PHLPP1: variants seen among roughly 807,000 people sequenced by gnomAD.
PHLPP1 encodes PH domain and leucine rich repeat protein phosphatase 1.
A neutral mutation model predicts 117.2 loss-of-function variants in PHLPP1; 42 were observed. The observed-to-expected ratio is 0.36, with a 90% CI of 0.28 to 0.46. The LOEUF (loss-of-function observed/expected upper bound fraction) is 0.46. PHLPP1 is among the 20% of genes least tolerant of loss of function. The pLI is 1.00. For missense variants in PHLPP1, 2,084 were observed against 2,241.9 expected (o/e 0.93, Z 1.42); for synonymous variants, 1,042 against 970.7 (o/e 1.07, Z -1.37).
At position 62,978,998 on chromosome 18, in the gene PHLPP1, C is replaced by T; in HGVS notation, c.4721C>T (p.Ala1574Val). ...EVEVDIHCSRAKEKEKQQHLL... is the reference protein window; with the variant it reads ...EVEVDIHCSRVKEKEKQQHLL... ...GAGGTGGACATCCACTGCAGCCGGGCCAAGGAGAAGGAGAAACAGCAGCAC... is the reference window on the plus strand; with the variant it reads ...GAGGTGGACATCCACTGCAGCCGGGTCAAGGAGAAGGAGAAACAGCAGCAC... Residue 1574 changes from alanine (A) to valine (V), a missense_variant, in exon 17 of 17, where the codon GCC (alanine) becomes GTC (valine). Physicochemically the swap from Ala to Val is moderately conservative, Grantham distance 64. This residue lies in a region of PHLPP1 where 1,365 missense variants were observed against 1,605.9 expected (regional missense o/e 0.85). Transcript: ENST00000262719. This position sits in a 1 kb window ranked among gnomAD's most constrained non-coding sequence, Gnocchi z 7.0. 1 of 1,612,934 alleles carries T rather than the reference C, an allele frequency of 6.2e-7. No individual in the cohort carries two copies. Among genetic ancestry groups the T allele is most frequent in the Admixed American group, 1.7e-5 (1 of 59,904 alleles).
chr18:62,737,530 T>G (rs2122068365), intron 1 of PHLPP1, among the ~76,000 whole-genome samples: 1 of 152,328 alleles, frequency 6.6e-6, no homozygotes, highest in African/African-American at 2.4e-5. Flanking sequence ...TGACTTTGTG[T>G]GTTAAAACAG....
chr18:62,855,673 C>G (rs1915477276), intron 3 of PHLPP1, among the ~76,000 whole-genome samples: 1 of 152,162 alleles, frequency 6.6e-6, no homozygotes, highest in African/African-American at 2.4e-5. Flanking sequence ...GTGGTTTCCT[C>G]CTCCTTGTTT....
intron 4 of PHLPP1, among the ~76,000 whole-genome samples, chr18:62,869,941 G>A (rs1006723793): frequency 2.0e-5 from 3 of 152,202 alleles, no homozygotes; most frequent in African/African-American, 4.8e-5. Context: ...AGGCTGGAGT[G>A]CAGTGGCACG....
At position 62,863,163 on chromosome 18, in the gene PHLPP1, T is replaced by TTC. The variant is rs370493143; in HGVS notation, c.2066+2580_2066+2581dup. Among the ~76,000 whole-genome samples the TTC allele has an allele frequency of 3.2e-3, 476 of 149,942 alleles. 2 individuals carry two copies. Among genetic ancestry groups the TTC allele is most frequent in the African/African-American group, 9.9e-3 (405 of 41,012 alleles). On this transcript the variant is annotated intron_variant, in intron 4 of 16. Coordinates refer to ENST00000262719, the MANE Select transcript of PHLPP1 (RefSeq NM_194449.4). ...GGCTGCTGGTTGGCTACTTTTATGG[T>TTC]TCTCTCTCTCTCTCTCTCTTTTCTC...
At chr18:62,896,542 G>A (rs1459209049) in intron 6 of PHLPP1, among the ~76,000 whole-genome samples, 2 of 152,006 alleles carry the variant, frequency 1.3e-5, no homozygotes, top group Admixed American at 6.6e-5. Flanking sequence ...TGATCCACCC[G>A]CCTCGGCCTC....
intron 1 of PHLPP1, among the ~76,000 whole-genome samples, chr18:62,819,482 A>T (rs766403501): frequency 1.1e-4 from 16 of 152,220 alleles, no homozygotes; most frequent in Non-Finnish European, 1.9e-4. Flanking sequence ...CAGATGGGAT[A>T]AGTAGGAAAC....
At chr18:62,783,271 A>C (rs1913175963) in intron 1 of PHLPP1, among the ~76,000 whole-genome samples, 2 of 125,288 alleles carry the variant, frequency 1.6e-5, no homozygotes, top group Admixed American at 2.0e-4. Context: ...TCTGTTGCCC[A>C]GGCTGGAGCA....
chr18:62,836,809 C>T (rs1206004792), intron 2 of PHLPP1, among the ~76,000 whole-genome samples: 1 of 151,308 alleles, frequency 6.6e-6, no homozygotes, highest in Non-Finnish European at 1.5e-5. Context: ...TGCCTATAAT[C>T]CCAGCACTTT....
chr18:62,816,224 C>A (rs1568126147), intron 1 of PHLPP1, among the ~76,000 whole-genome samples: 1 of 152,026 alleles, frequency 6.6e-6, no homozygotes, highest in Non-Finnish European at 1.5e-5. Flanking sequence ...TTCAAATTGC[C>A]CCTCAGAAAG....
intron 1 of PHLPP1, 71 bp from the exon 2 acceptor site, chr18:62,829,964 A>G (rs890848234): frequency 1.5e-5 from 16 of 1,042,170 alleles, no homozygotes; most frequent in Admixed American, 2.7e-5. Context: ...CAATTCATAT[A>G]TCTGCTATGT....
At chr18:62,856,340 TA>T (rs1915497906) in intron 3 of PHLPP1, among the ~76,000 whole-genome samples, 1 of 152,148 alleles carries the variant, frequency 6.6e-6, no homozygotes. Context: ...GCTTACCCCA[TA>T]TCCCCTGCCC....
At chr18:62,783,223 TTTTTTC>T (rs1177855978) in intron 1 of PHLPP1, among the ~76,000 whole-genome samples, 55 of 148,348 alleles carry the variant, frequency 3.7e-4, no homozygotes, top group African/African-American at 1.3e-3. Context: ...CCTTTCTTTT[TTTTTTC>T]TTTTTTTTTT....
chr18:62,978,811 A>C lies in PHLPP1; in HGVS notation c.4534A>C (p.Ser1512Arg), dbSNP rs749055614. The C allele has an allele frequency of 6.2e-7, 1 of 1,611,270 alleles. No individual in the cohort carries two copies. Among genetic ancestry groups the C allele is most frequent in the Non-Finnish European group, 8.5e-7 (1 of 1,178,820 alleles). The change falls in exon 17 of 17, where the codon AGT (serine) becomes CGT (arginine). Residue 1512 changes from serine to arginine, a missense_variant. Transcript: ENST00000262719. The surrounding 1 kb of genome is among the most constrained non-coding windows in gnomAD (Gnocchi z 7.0). ...AAGCGAGAACAGCCCTGCCTACCCC[A>C]GTGAGCAGCGCTGCATGCTCCACCC... ...ALSENSPAYPSEQRCMLHPIC... is the reference protein window; with the variant it reads ...ALSENSPAYPREQRCMLHPIC...
At chr18:62,960,576 C>A (rs969744805) in intron 13 of PHLPP1, among the ~76,000 whole-genome samples, 1 of 151,946 alleles carries the variant, frequency 6.6e-6, no homozygotes, top group Non-Finnish European at 1.5e-5. Context: ...TCAAAATAAA[C>A]CAAGGACATT....
intron 6 of PHLPP1, 85 bp from the exon 7 acceptor site, chr18:62,902,879 T>G: frequency 2.5e-6 from 2 of 803,438 alleles, no homozygotes; most frequent in Non-Finnish European, 2.0e-6. Flanking sequence ...AACTGAGTTC[T>G]TTCTCGCTAT....
At chr18:62,796,179 A>C (rs942939091) in intron 1 of PHLPP1, among the ~76,000 whole-genome samples, 1 of 152,256 alleles carries the variant, frequency 6.6e-6, no homozygotes, top group Non-Finnish European at 1.5e-5. Context: ...TGTTAAAAGT[A>C]AATTCCAAGT....
At position 62,808,028 on chromosome 18, in the gene PHLPP1, ATG is replaced by A. The variant is rs1465926259; in HGVS notation, c.1577-21998_1577-21997del. ...TATAATCTTACGGGACCATCATCCT[ATG>A]TGTGTGTGGTCTGTCTTGACCAAAA... On this transcript the variant is annotated intron_variant, in intron 1 of 16. Coordinates refer to ENST00000262719, the MANE Select transcript of PHLPP1 (RefSeq NM_194449.4). Among the ~76,000 whole-genome samples the A allele has an allele frequency of 3.3e-5, 5 of 152,222 alleles. No homozygotes were observed. The South Asian group carries it at 8.3e-4, about 25-fold the overall frequency.
In PHLPP1 at chr18:62,895,998, C is replaced by A. The variant is rs761178683; in HGVS notation, c.2431C>A (p.His811Asn). 1 of 1,603,768 alleles carries A rather than the reference C, an allele frequency of 6.2e-7. No individual in the cohort carries two copies. The highest frequency in any genetic ancestry group is 8.5e-7 in the Non-Finnish European group (1 of 1,170,842). Residue 811 changes from histidine to asparagine, a missense_variant, in exon 6 of 17, where the codon CAT becomes AAT. Transcript: ENST00000262719. ...QALRKMPHIKHVDLRLNVIRK... is the reference protein window; with the variant it reads ...QALRKMPHIKNVDLRLNVIRK... ...TTTAAGAAAAATGCCTCACATTAAA[C>A]ATGTGGATCTAAGGTAACCATTTTT...
intron 1 of PHLPP1, among the ~76,000 whole-genome samples, chr18:62,720,544 T>C (rs1488853126): frequency 1.3e-5 from 2 of 152,156 alleles, no homozygotes; most frequent in Non-Finnish European, 1.5e-5. Context: ...TGTGGTTTCC[T>C]ACATGCAAAC....
Sources: allele counts gnomAD v4.1 joint callset (sites outside exome capture counted in the v4.1 genomes callset), GRCh38; gene constraint gnomAD v4.1.1; regional missense constraint gnomAD v4.1.1; non-coding constraint Gnocchi (gnomAD v3.1); transcripts MANE v1.5; gene names NCBI Gene and HGNC (gene_info 2026-07-23, HGNC 2026-07-21).